The following WASF2 variants were observed in gnomAD, a reference collection of about 807,000 sequenced individuals.
WASF2 encodes the protein WASP family member 2.
A neutral mutation model predicts 45.0 loss-of-function variants in WASF2; 14 were observed. The observed-to-expected ratio is 0.31, with a 90% confidence interval of 0.21 to 0.49. The LOEUF is 0.49. Ranked by LOEUF, WASF2 falls within the 20% of genes least tolerant of loss-of-function variation. The pLI is 0.99. For missense variants in WASF2, 439 were observed against 636.1 expected (o/e 0.69, Z 3.33); for synonymous variants, 200 against 236.3 (o/e 0.85, Z 1.41).
At chr1:27,470,039 C>T (rs558750557) in intron 1 of WASF2, among the ~76,000 whole-genome samples, 2 of 152,136 alleles carry the variant, frequency 1.3e-5, no homozygotes, top group South Asian at 4.2e-4. Context: ...TATAACTGGG[C>T]ATGAAAAATA....
chr1:27,409,658 G>C (rs1349095700), intron 8 of WASF2, 34 bp downstream of exon 8: 3 of 1,428,262 alleles, frequency 2.1e-6, no homozygotes, highest in Non-Finnish European at 2.8e-6. Flanking sequence ...GAAAGACAAG[G>C]CTCCACAGTC....
At position 27,404,403 on chromosome 1, in the gene WASF2, T is replaced by G. The variant is rs1381047191; in HGVS notation, c.*3786A>C. ...TTGGAGCTACAGGGATTTAAAAAAA[T>G]TGGATGTCTTTCTGAGGGTCTGAGA... On this transcript the variant is annotated 3_prime_UTR_variant, in exon 9 of 9. Transcript: ENST00000618852. 1 of 152,078 alleles carries G rather than the reference T, an allele frequency of 6.6e-6. No homozygotes were observed. Among genetic ancestry groups the G allele is most frequent in the African/African-American group, 2.4e-5 (1 of 41,384 alleles). 9.4% of individuals were successfully genotyped at this position (152,078 alleles called of 1,614,324 possible).
intron 1 of WASF2, 65 bp from the exon 2 acceptor site, chr1:27,428,998 A>AAT: frequency 3.3e-5 from 40 of 1,213,412 alleles, no homozygotes; most frequent in Non-Finnish European, 4.4e-5. Context: ...GGGCTGTGTG[A>AAT]ATCTTTTTTT....
At chr1:27,421,234 T>C (rs2016904456) in intron 2 of WASF2, among the ~76,000 whole-genome samples, 1 of 152,260 alleles carries the variant, frequency 6.6e-6, no homozygotes, top group African/African-American at 2.4e-5. Flanking sequence ...AGGATTTTAT[T>C]TGATCCCTGT....
chr1:27,469,694 C>A (rs1044771010), intron 1 of WASF2, among the ~76,000 whole-genome samples: 1 of 152,122 alleles, frequency 6.6e-6, no homozygotes, highest in Non-Finnish European at 1.5e-5. Context: ...GTAATCCCAG[C>A]ACTTCGGGAG....
In WASF2 at chr1:27,477,908, AAAT is replaced by A. The variant is rs1166333406; in HGVS notation, c.-44+12075_-44+12077del. Among the ~76,000 whole-genome samples the A allele has an allele frequency of 2.3e-4, 23 of 100,362 alleles. 5 individuals carry two copies. The highest frequency in any genetic ancestry group is 1.4e-3 in the African/African-American group (22 of 15,968). 65.8% of individuals were successfully genotyped at this position (100,362 alleles called of 152,430 possible). ...AGCGAGACTCCGTCTCAAAAAAAAA[AAAT>A]AAATAAATAAAAAAAAAAATAAAAA... On this transcript the variant is annotated intron_variant, in intron 1 of 8. Transcript: ENST00000618852.
intron 1 of WASF2, 66 bp from the exon 2 acceptor site, chr1:27,428,999 A>ATAT: frequency 1.7e-6 from 2 of 1,198,040 alleles, no homozygotes; most frequent in East Asian, 2.8e-5. Context: ...GGCTGTGTGA[A>ATAT]TCTTTTTTTT....
chr1:27,462,460 C>T (rs2017558772), intron 1 of WASF2, among the ~76,000 whole-genome samples: 1 of 152,042 alleles, frequency 6.6e-6, no homozygotes, highest in South Asian at 2.1e-4. Flanking sequence ...CTCACTAATG[C>T]TCTTGAAGAA....
At chr1:27,420,238 G>T (rs1329469778) in intron 2 of WASF2, among the ~76,000 whole-genome samples, 2 of 152,016 alleles carry the variant, frequency 1.3e-5, no homozygotes, top group African/African-American at 4.8e-5. Flanking sequence ...TCTGCTCTAG[G>T]TTACAATCCT....
At chr1:27,471,754 T>C (rs1267145947) in intron 1 of WASF2, among the ~76,000 whole-genome samples, 3 of 152,152 alleles carry the variant, frequency 2.0e-5, no homozygotes, top group African/African-American at 4.8e-5. Flanking sequence ...ACCAGAACAA[T>C]GTTGTGTCAT....
chr1:27,418,902 T>A (rs898536278), intron 3 of WASF2, 52 bp downstream of exon 3: 2 of 1,554,126 alleles, frequency 1.3e-6, no homozygotes, highest in African/African-American at 2.8e-5. Context: ...GGAAAAAAAA[T>A]TCTACAAAAC....
chr1:27,449,668 AAAGAT>A (rs2017357387), intron 1 of WASF2, among the ~76,000 whole-genome samples: 1 of 152,114 alleles, frequency 6.6e-6, no homozygotes, highest in Admixed American at 6.5e-5. Context: ...TGGCTCTCAC[AAAGAT>A]AAGGATAAGG....
intron 6 of WASF2, 103 bp from the exon 7 acceptor site, chr1:27,412,830 G>T: frequency 7.4e-7 from 1 of 1,351,004 alleles, no homozygotes; most frequent in South Asian, 1.2e-5. Context: ...AAAGCTATTA[G>T]GGAGAAGTAA....
chr1:27,442,286 C>T (rs973328495), intron 1 of WASF2, among the ~76,000 whole-genome samples: 27 of 152,158 alleles, frequency 1.8e-4, no homozygotes, highest in African/African-American at 6.0e-4. Flanking sequence ...TGGCTCACAC[C>T]TGTAATCTCA....
chr1:27,467,499 C>T (rs1450494450), intron 1 of WASF2, among the ~76,000 whole-genome samples: 1 of 149,892 alleles, frequency 6.7e-6, no homozygotes, highest in Non-Finnish European at 1.5e-5. Context: ...GACGGCATTT[C>T]ACCGTGTTAG....
intron 1 of WASF2, among the ~76,000 whole-genome samples, chr1:27,449,918 C>T (rs892884346): frequency 6.6e-6 from 1 of 151,976 alleles, no homozygotes; most frequent in Non-Finnish European, 1.5e-5. Flanking sequence ...CTGAGGTGGG[C>T]GGATCGTCTG....
At chr1:27,486,784 C>A (rs1328654387) in intron 1 of WASF2, among the ~76,000 whole-genome samples, 1 of 151,798 alleles carries the variant, frequency 6.6e-6, no homozygotes, top group African/African-American at 2.4e-5. Flanking sequence ...ATTAGCCAGG[C>A]GTGGCGGTGC....
At chr1:27,454,780 G>A (rs1019087393) in intron 1 of WASF2, among the ~76,000 whole-genome samples, 24 of 152,060 alleles carry the variant, frequency 1.6e-4, no homozygotes, top group African/African-American at 5.1e-4. Context: ...CTATAGCTGC[G>A]ATTTACTTTT....
At chr1:27,454,187 A>ATATATTT (rs1469446976) in intron 1 of WASF2, among the ~76,000 whole-genome samples, 3 of 12,770 alleles carry the variant, frequency 2.3e-4, no homozygotes, top group South Asian at 3.9e-3. Flanking sequence ...ATATATATAT[A>ATATATTT]TTTTTTTTTT....
Sources: allele counts gnomAD v4.1 joint callset (sites outside exome capture counted in the v4.1 genomes callset), GRCh38; gene constraint gnomAD v4.1.1; transcripts MANE v1.5; gene names NCBI Gene and HGNC (gene_info 2026-07-23, HGNC 2026-07-21).